Variants in AHCTF1 observed in about 807,000 individuals in gnomAD.
The protein encoded by AHCTF1 is AT-hook containing transcription factor 1.
In AHCTF1, 24 loss-of-function variants were observed where a neutral mutation model predicts 248.4. The observed-to-expected ratio is 0.10, with a 90% confidence interval of 0.07 to 0.14. The LOEUF is 0.14. AHCTF1 is among the 10% of genes least tolerant of loss of function. The probability of loss-of-function intolerance (pLI) is 1.00; values close to 1 mark genes in which losing one functional copy is unlikely to be tolerated. For synonymous variants in AHCTF1, 786 were observed against 929.8 expected (o/e 0.85, Z 2.81); for missense variants, 2,206 against 2,636.2 (o/e 0.84, Z 3.57).
In AHCTF1 at chr1:246,850,223, T is replaced by C. The variant is rs1660602136; in HGVS notation, c.5783A>G (p.Lys1928Arg). Residue 1928 changes from lysine to arginine, a missense_variant, in exon 33 of 36, where the codon AAG (lysine) becomes AGG (arginine). Around this residue, in one of 6 missense-constraint regions of AHCTF1, gnomAD observed 469 missense variants for 470.0 expected, o/e 1.00. Coordinates refer to ENST00000648844, the MANE Select transcript of AHCTF1 (RefSeq NM_001323342.2). ...TCTAACATGTTTAATACGCAGCTGCTTGTCACTGGATTTATCATCTTGCTT... is the reference window on the plus strand; with the variant it reads ...TCTAACATGTTTAATACGCAGCTGCCTGTCACTGGATTTATCATCTTGCTT... ...GNKQDDKSSD[K>R]QLRIKHVRRV... The C allele has an allele frequency of 6.2e-7, 1 of 1,613,874 alleles. No homozygotes were observed. Among genetic ancestry groups the C allele is most frequent in the Non-Finnish European group, 8.5e-7 (1 of 1,179,828 alleles).
chr1:246,848,865 ACC>A (rs1660483572), intron 33 of AHCTF1, among the ~76,000 whole-genome samples: 3 of 148,550 alleles, frequency 2.0e-5, no homozygotes, highest in Non-Finnish European at 3.0e-5. Context: ...AACAACACAA[ACC>A]CCCTACATTT....
At chr1:246,892,804 A>G (rs933005734) in intron 14 of AHCTF1, among the ~76,000 whole-genome samples, 1 of 102,798 alleles carries the variant, frequency 9.7e-6, no homozygotes, top group African/African-American at 6.4e-5. Context: ...GCTAATTAAA[A>G]AAAAGATTTT....
chr1:246,909,996 C>A (rs1432301443), intron 4 of AHCTF1, among the ~76,000 whole-genome samples: 3 of 152,220 alleles, frequency 2.0e-5, no homozygotes, highest in African/African-American at 7.2e-5. Context: ...AAGGAAGGAT[C>A]ATGCTGTCAC....
chr1:246,871,881 C>G (rs1375981489), intron 24 of AHCTF1, among the ~76,000 whole-genome samples: 3 of 151,682 alleles, frequency 2.0e-5, no homozygotes, highest in Non-Finnish European at 2.9e-5. Flanking sequence ...TAATAACAAC[C>G]TAAAGACACA....
chr1:246,906,303 G>A (rs1238964022), intron 5 of AHCTF1, among the ~76,000 whole-genome samples: 1 of 152,106 alleles, frequency 6.6e-6, no homozygotes, highest in Non-Finnish European at 1.5e-5. Context: ...CTGGCAGCCG[G>A]GCGTGGTAGC....
In AHCTF1 at chr1:246,913,529, A is replaced by C; in HGVS notation, c.376-117T>G. 3 of 957,148 alleles carry C rather than the reference A, an allele frequency of 3.1e-6. No individual in the cohort carries two copies. The South Asian group carries it at 6.3e-5, about 20-fold the overall frequency. 59.3% of individuals were successfully genotyped at this position (957,148 alleles called of 1,614,324 possible). ...ATAATAGATTTAAGACTATAGAGTAAATTTGCATTTGATACTTGTGATCTG... is the reference window on the plus strand; with the variant it reads ...ATAATAGATTTAAGACTATAGAGTACATTTGCATTTGATACTTGTGATCTG... On this transcript the variant is annotated intron_variant, in intron 3 of 35. Coordinates refer to ENST00000648844, the MANE Select transcript of AHCTF1 (RefSeq NM_001323342.2).
chr1:246,931,107 C>T, intron 1 of AHCTF1: 1 of 1,547,792 alleles, frequency 6.5e-7, no homozygotes. Flanking sequence ...AGTCCAACTT[C>T]TTCCCCGCCA....
At chr1:246,890,274 G>C (rs960664507) in intron 16 of AHCTF1, among the ~76,000 whole-genome samples, 1 of 152,074 alleles carries the variant, frequency 6.6e-6, no homozygotes, top group Non-Finnish European at 1.5e-5. Context: ...TACATGGATG[G>C]GGGCTTAAAA....
chr1:246,907,761 A>G lies in AHCTF1; in HGVS notation c.557-3T>C, dbSNP rs563815668. On this transcript the variant is annotated splice_region_variant and splice_polypyrimidine_tract_variant and intron_variant, in intron 4 of 35. Coordinates refer to ENST00000648844, the MANE Select transcript of AHCTF1 (RefSeq NM_001323342.2). ...GATACCAGTTAGAACTTCAAGATCT[A>G]AAACCACAAATTAGACAAATGAAGT... 2 of 1,608,526 alleles carry G rather than the reference A, an allele frequency of 1.2e-6. No individual in the cohort carries two copies. The highest frequency in any genetic ancestry group is 2.2e-5 in the South Asian group (2 of 89,668).
chr1:246,900,726 C>CTT (rs1664934439), intron 8 of AHCTF1, among the ~76,000 whole-genome samples: 2 of 152,150 alleles, frequency 1.3e-5, no homozygotes, highest in African/African-American at 4.8e-5. Flanking sequence ...TCAGTTAATA[C>CTT]TTGAGCAACG....
At chr1:246,875,962 G>T in intron 24 of AHCTF1, 75 bp downstream of exon 24, 1 of 1,369,262 alleles carries the variant, frequency 7.3e-7, no homozygotes, top group South Asian at 1.6e-5. Flanking sequence ...TAAATTTAAG[G>T]TGGTTTCAGA....
chr1:246,875,701 G>A (rs1662890045), intron 24 of AHCTF1, among the ~76,000 whole-genome samples: 1 of 152,142 alleles, frequency 6.6e-6, no homozygotes, highest in Non-Finnish European at 1.5e-5. Context: ...ATTAGCAAAA[G>A]GATTACGACT....
At chr1:246,857,539 C>T (rs1661192555) in intron 30 of AHCTF1, 152 bp downstream of exon 30, 9 of 830,348 alleles carry the variant, frequency 1.1e-5, no homozygotes, top group Non-Finnish European at 1.5e-5. Context: ...TATAACTGCA[C>T]AACTAAACTT....
intron 24 of AHCTF1, among the ~76,000 whole-genome samples, chr1:246,869,677 C>T (rs1662425257): frequency 6.6e-6 from 1 of 151,778 alleles, no homozygotes; most frequent in African/African-American, 2.4e-5. Context: ...GCATGGTTTA[C>T]CGAATATTTT....
At chr1:246,876,386 C>T (rs1572402720) in intron 23 of AHCTF1, among the ~76,000 whole-genome samples, 199 bp from the exon 24 acceptor site, 1 of 152,248 alleles carries the variant, frequency 6.6e-6, no homozygotes, top group East Asian at 1.9e-4. Flanking sequence ...TTCCAAATCT[C>T]GCTACCAAGC....
intron 3 of AHCTF1, among the ~76,000 whole-genome samples, chr1:246,915,897 T>C (rs2103222565): frequency 6.6e-6 from 1 of 152,340 alleles, no homozygotes; most frequent in South Asian, 2.1e-4. Context: ...TCATTGCTAT[T>C]TTTACTCTGG....
intron 5 of AHCTF1, among the ~76,000 whole-genome samples, chr1:246,906,687 A>T (rs981629404): frequency 3.9e-5 from 6 of 152,230 alleles, no homozygotes; most frequent in Non-Finnish European, 2.9e-5. Flanking sequence ...AGTATGCCTC[A>T]GGAAAAATGG....
intron 24 of AHCTF1, among the ~76,000 whole-genome samples, chr1:246,870,097 A>G (rs1465263017): frequency 6.6e-6 from 1 of 152,180 alleles, no homozygotes; most frequent in Non-Finnish European, 1.5e-5. Context: ...TCAAGACTTC[A>G]GTGGAGAAAA....
intron 21 of AHCTF1, among the ~76,000 whole-genome samples, chr1:246,881,764 G>A (rs1663428044): frequency 6.6e-6 from 1 of 150,686 alleles, no homozygotes; most frequent in African/African-American, 2.4e-5. Flanking sequence ...CTTGAACCTG[G>A]GAGGCAGAGG....
Sources: gnomAD v4.1 joint callset for allele counts (sites outside exome capture counted in the v4.1 genomes callset) on GRCh38, gnomAD v4.1.1 for gene constraint, gnomAD v4.1.1 regional missense constraint, MANE v1.5 for transcripts, NCBI Gene and HGNC (gene_info 2026-07-23, HGNC 2026-07-21) for gene names.